Variants in PCDHGA7 observed in about 807,000 individuals in gnomAD.
PCDHGA7 encodes the protein protocadherin gamma subfamily A, 7.
A neutral mutation model predicts 58.3 loss-of-function variants in PCDHGA7; 44 were observed. The ratio of observed to expected loss-of-function variants is 0.75; its 90% CI spans 0.59 to 0.97. The LOEUF is 0.97. Among genes scored for constraint, PCDHGA7 ranks in the 50% least tolerant of loss-of-function variants. PCDHGA7 has a pLI of 0.00. For synonymous variants in PCDHGA7, 516 were observed against 504.2 expected (o/e 1.02, Z -0.31); for missense variants, 1,266 against 1,188.7 (o/e 1.06, Z -0.96).
chr5:141,482,503 C>A (rs375429072), intron 1 of PCDHGA7, among the ~76,000 whole-genome samples: 2 of 136,154 alleles, frequency 1.5e-5, no homozygotes, highest in South Asian at 4.4e-4. Context: ...CATTCTGGTA[C>A]CCAGAGTACA....
chr5:141,462,782 T>C (rs1397671639), intron 1 of PCDHGA7, among the ~76,000 whole-genome samples: 1 of 152,220 alleles, frequency 6.6e-6, no homozygotes, highest in Non-Finnish European at 1.5e-5. Flanking sequence ...TCATAATTTG[T>C]TGCTTATTTG....
chr5:141,427,268 A>G (rs1433017911), intron 1 of PCDHGA7: 7 of 456,648 alleles, frequency 1.5e-5, no homozygotes, highest in Non-Finnish European at 3.1e-5. Flanking sequence ...TGACCAGCGA[A>G]TGTAAAATTA....
At chr5:141,503,607 A>G (rs141670522) in intron 2 of PCDHGA7, among the ~76,000 whole-genome samples, 63 of 151,996 alleles carry the variant, frequency 4.1e-4, no homozygotes, top group African/African-American at 1.4e-3. Flanking sequence ...TCAAAAAAAA[A>G]AAAAAAAGAA....
intron 2 of PCDHGA7, among the ~76,000 whole-genome samples, chr5:141,503,855 TA>T (rs2099832899): frequency 1.3e-5 from 2 of 152,136 alleles, no homozygotes; most frequent in Non-Finnish European, 2.9e-5. Context: ...GGAAAAATTG[TA>T]AAGCAGTTCT....
intron 3 of PCDHGA7, among the ~76,000 whole-genome samples, chr5:141,509,437 C>T (rs923580110): frequency 2.6e-5 from 4 of 152,104 alleles, no homozygotes; most frequent in African/African-American, 9.7e-5. Context: ...ACTCTTGTTT[C>T]CTCCTCTCCC....
In PCDHGA7 at chr5:141,461,484, T is replaced by C. The variant is rs1171584384; in HGVS notation, c.2425-33323T>C. On this transcript the variant is annotated intron_variant, in intron 1 of 3. Transcript: ENST00000518325. ...GTCCTTTGCCTACTTTTTAATGGGATTGTGTTTTATTTTTCTTGGTGATTT... is the reference window on the plus strand; with the variant it reads ...GTCCTTTGCCTACTTTTTAATGGGACTGTGTTTTATTTTTCTTGGTGATTT... 2.6e-5 allele frequency among the ~76,000 whole-genome samples: 4 copies of C among 152,152 alleles called. No homozygotes were observed. In the East Asian group the frequency reaches 7.7e-4, roughly 29 times the overall value.
chr5:141,478,127 C>T (rs1323163663), intron 1 of PCDHGA7: 1 of 1,613,988 alleles, frequency 6.2e-7, no homozygotes, highest in Admixed American at 1.7e-5. Flanking sequence ...CGAGGACTCT[C>T]CTGAAGCCCG....
intron 1 of PCDHGA7, chr5:141,419,727 C>G (rs1344063538): frequency 6.2e-7 from 1 of 1,613,582 alleles, no homozygotes; most frequent in Admixed American, 1.7e-5. Flanking sequence ...GGGCTGCGAA[C>G]AGGCGAGGTG....
chr5:141,413,139 C>A, intron 1 of PCDHGA7: 1 of 1,553,028 alleles, frequency 6.4e-7, no homozygotes. Context: ...ACAACGTGTC[C>A]AGTGAGGACT....
At chr5:141,495,123 T>C (rs2099759225) in intron 2 of PCDHGA7, among the ~76,000 whole-genome samples, 1 of 152,162 alleles carries the variant, frequency 6.6e-6, no homozygotes, top group African/African-American at 2.4e-5. Flanking sequence ...TCCTATCCCC[T>C]GAGGGCACTG....
At chr5:141,400,007 C>T (rs907315450) in intron 1 of PCDHGA7, 30 of 1,612,624 alleles carry the variant, frequency 1.9e-5, no homozygotes, top group Non-Finnish European at 2.5e-5. Flanking sequence ...ACAGCGCGTG[C>T]CTTGGGCGAC....
At chr5:141,464,413 A>G (rs2099083422) in intron 1 of PCDHGA7, among the ~76,000 whole-genome samples, 1 of 151,632 alleles carries the variant, frequency 6.6e-6, no homozygotes, top group African/African-American at 2.4e-5. Context: ...ATATATATAT[A>G]TCTATATATA....
intron 1 of PCDHGA7, chr5:141,393,689 C>G (rs2150535299): frequency 6.2e-7 from 1 of 1,613,890 alleles, no homozygotes; most frequent in Middle Eastern, 1.7e-4. Context: ...CTCCGTTATT[C>G]CAGCTTAATG....
rs189824439 is a variant in PCDHGA7 at position 141,393,729 on chromosome 5, A to G, written c.2424+8406A>G. ...TACTGGGGAAATATCAATAGCAAAA[A>G]GTCTAGATTATGAAGAATGTTCATT... On this transcript the variant is annotated intron_variant, in intron 1 of 3. Transcript: ENST00000518325. 7.2e-4 allele frequency: 1,163 copies of G among 1,613,856 alleles called. 2 individuals carry two copies. Among genetic ancestry groups the G allele is most frequent in the Non-Finnish European group, 7.9e-4 (934 of 1,179,868 alleles).
chr5:141,418,081 C>T lies in PCDHGA7; in HGVS notation c.2424+32758C>T, dbSNP rs190197904. On this transcript the variant is annotated intron_variant, in intron 1 of 3. Transcript: ENST00000518325. Reference sequence around the variant, plus strand: ...TGCGAGTGAGCGCGGAGAAGCTGCACTTCAGCGTAGACGCGCAGAGCGGGG... The same window carrying T: ...TGCGAGTGAGCGCGGAGAAGCTGCATTTCAGCGTAGACGCGCAGAGCGGGG... 331 of 1,614,072 alleles carry T rather than the reference C, an allele frequency of 2.1e-4. 3 individuals are homozygous for T. The African/African-American group carries it at 4.0e-3, about 19-fold the overall frequency.
At position 141,490,646 on chromosome 5, in the gene PCDHGA7, C is replaced by G. The variant is rs202183643; in HGVS notation, c.2425-4161C>G. The G allele has an allele frequency of 8.7e-6, 14 of 1,614,068 alleles. No homozygotes were observed. In the African/African-American group the frequency reaches 1.7e-4, roughly 20 times the overall value. ...GCTTACATCCTAGAAAACCGGCCTC[C>G]GGGCTCCCTTCTTTGCACTGTGGCT... On this transcript the variant is annotated intron_variant, in intron 1 of 3. Coordinates refer to ENST00000518325, the MANE Select transcript of PCDHGA7 (RefSeq NM_018920.4). This position sits in a 1 kb window ranked among gnomAD's most constrained non-coding sequence, Gnocchi z 5.4.
chr5:141,430,897 C>T, intron 1 of PCDHGA7: 1 of 1,605,442 alleles, frequency 6.2e-7, no homozygotes, highest in Non-Finnish European at 8.5e-7. Context: ...CTAGGGTGGG[C>T]GACATCTCCA....
chr5:141,400,503 G>T, intron 1 of PCDHGA7: 1 of 1,614,022 alleles, frequency 6.2e-7, no homozygotes, highest in Non-Finnish European at 8.5e-7. Context: ...ATTCCAGCGA[G>T]TCGACTTCCC....
intron 1 of PCDHGA7, chr5:141,423,333 C>T (rs761192305): frequency 3.1e-6 from 5 of 1,614,184 alleles, no homozygotes; most frequent in Non-Finnish European, 4.2e-6. Context: ...CCGCAGTCTC[C>T]TGCATCTTCC....
Sources: allele counts gnomAD v4.1 joint callset (sites outside exome capture counted in the v4.1 genomes callset), GRCh38; gene constraint gnomAD v4.1.1; non-coding constraint Gnocchi (gnomAD v3.1); transcripts MANE v1.5; gene names NCBI Gene and HGNC (gene_info 2026-07-23, HGNC 2026-07-21).